Variants in ARHGAP10 observed in about 807,000 individuals in gnomAD.
ARHGAP10 encodes rho GTPase-activating protein 10.
A neutral mutation model predicts 108.6 loss-of-function variants in ARHGAP10; 87 were observed. The observed-to-expected ratio is 0.80, with a 90% confidence interval of 0.67 to 0.96. ARHGAP10 has a LOEUF of 0.96. Ranked by LOEUF, ARHGAP10 falls within the 40% of genes least tolerant of loss-of-function variation. The probability of loss-of-function intolerance (pLI) is 0.00; values close to 1 mark genes in which losing one functional copy is unlikely to be tolerated. For missense variants in ARHGAP10, 939 were observed against 954.5 expected, an observed-to-expected ratio of 0.98 and a Z score of 0.21; for synonymous variants, 347 against 341.1, an observed-to-expected ratio of 1.02 and a Z score of -0.19.
chr4:147,865,320 A>G (rs1202868473), intron 6 of ARHGAP10: 1 of 160,966 alleles, frequency 6.2e-6, no homozygotes, highest in Non-Finnish European at 1.4e-5. Flanking sequence ...AAACTTTGGT[A>G]CTTTAAACAA....
chr4:147,818,542 G>T (rs1732352006), intron 1 of ARHGAP10, among the ~76,000 whole-genome samples: 2 of 149,808 alleles, frequency 1.3e-5, no homozygotes, highest in South Asian at 4.3e-4. Context: ...TTCCAGCCTG[G>T]GTGACAAGAG....
chr4:147,868,890 C>T (rs1014650364), intron 7 of ARHGAP10, among the ~76,000 whole-genome samples: 1 of 152,068 alleles, frequency 6.6e-6, no homozygotes, highest in Non-Finnish European at 1.5e-5. Context: ...TGACCCGGTT[C>T]CTAACAGGCC....
intron 3 of ARHGAP10, among the ~76,000 whole-genome samples, chr4:147,842,692 G>A (rs1018900485): frequency 3.9e-5 from 6 of 152,122 alleles, no homozygotes; most frequent in Non-Finnish European, 7.3e-5. Context: ...TCTCCTTCAG[G>A]AAGTCTTCTC....
At chr4:148,064,341 G>C (rs770600395) in intron 21 of ARHGAP10, 75 bp from the exon 22 acceptor site, 2 of 1,324,690 alleles carry the variant, frequency 1.5e-6, no homozygotes, top group Non-Finnish European at 2.1e-6. Context: ...ATTTGGGGAA[G>C]GGGGGTTGGG....
At chr4:147,863,396 G>A (rs1307237383) in intron 5 of ARHGAP10, 2 of 152,284 alleles carry the variant, frequency 1.3e-5, no homozygotes, top group African/African-American at 4.8e-5. Context: ...ATGTCCTCAA[G>A]GTTTATCCAT....
intron 1 of ARHGAP10, among the ~76,000 whole-genome samples, chr4:147,796,421 T>G (rs1434557762): frequency 6.6e-6 from 1 of 152,170 alleles, no homozygotes; most frequent in Non-Finnish European, 1.5e-5. Context: ...AGGGCCCTCC[T>G]GGAAGAGACA....
intron 13 of ARHGAP10, among the ~76,000 whole-genome samples, chr4:147,922,970 C>G (rs906667582): frequency 6.6e-6 from 1 of 152,198 alleles, no homozygotes; most frequent in Non-Finnish European, 1.5e-5. Context: ...TGCCTCTTCT[C>G]ATTTCTAAAT....
chr4:148,020,248 T>C (rs1261240641), intron 18 of ARHGAP10, among the ~76,000 whole-genome samples: 2 of 152,216 alleles, frequency 1.3e-5, no homozygotes, highest in Non-Finnish European at 1.5e-5. Flanking sequence ...GAATTGATTA[T>C]ATATGTACAG....
chr4:147,894,691 T>G (rs184713817), intron 10 of ARHGAP10, among the ~76,000 whole-genome samples: 3 of 152,362 alleles, frequency 2.0e-5, no homozygotes, highest in Non-Finnish European at 2.9e-5. Flanking sequence ...TGAAGATTTT[T>G]GGGGTATATA....
At chr4:147,879,133 T>C (rs1338231841) in intron 8 of ARHGAP10, 99 bp from the exon 9 acceptor site, 1 of 882,278 alleles carries the variant, frequency 1.1e-6, no homozygotes, top group Non-Finnish European at 1.8e-6. Flanking sequence ...CTGTATTCGT[T>C]GCTGCGTTTT....
At chr4:147,866,631 G>A in intron 6 of ARHGAP10, 81 bp from the exon 7 acceptor site, 1 of 969,838 alleles carries the variant, frequency 1.0e-6, no homozygotes, top group Non-Finnish European at 1.6e-6. Flanking sequence ...AGATGGCGGG[G>A]GGAACACTTG....
At chr4:147,951,355 A>G (rs1402092691) in intron 15 of ARHGAP10, among the ~76,000 whole-genome samples, 1 of 145,004 alleles carries the variant, frequency 6.9e-6, no homozygotes, top group Non-Finnish European at 1.5e-5. Context: ...CTAAAGACTT[A>G]CTTCTGATTG....
chr4:148,001,718 TG>T (rs973679835), intron 18 of ARHGAP10, among the ~76,000 whole-genome samples: 3 of 152,100 alleles, frequency 2.0e-5, no homozygotes, highest in African/African-American at 7.3e-5. Context: ...TCTGTTTGTC[TG>T]TTATTGGTGT....
intron 8 of ARHGAP10, among the ~76,000 whole-genome samples, chr4:147,878,889 G>C (rs1182383894): frequency 6.8e-6 from 1 of 147,772 alleles, no homozygotes; most frequent in Non-Finnish European, 1.5e-5. Context: ...CCATTCTCCT[G>C]CCTCAGCCTC....
chr4:147,890,290 TACTTTGA>T (rs1345552592), intron 10 of ARHGAP10, among the ~76,000 whole-genome samples: 2 of 59,826 alleles, frequency 3.3e-5, no homozygotes, highest in East Asian at 7.9e-4. Flanking sequence ...TAGCCATTAC[TACTTTGA>T]TTATCAATGG....
intron 1 of ARHGAP10, among the ~76,000 whole-genome samples, chr4:147,812,110 T>TA (rs1732050134): frequency 6.6e-6 from 1 of 152,178 alleles, no homozygotes; most frequent in African/African-American, 2.4e-5. Context: ...ATAGCAGGCA[T>TA]GCCTTGGTCT....
chr4:147,759,902 C>G (rs1646411385), intron 1 of ARHGAP10, among the ~76,000 whole-genome samples: 2 of 152,124 alleles, frequency 1.3e-5, no homozygotes, highest in South Asian at 4.1e-4. Context: ...GAGCCTGCCA[C>G]CATGCCTGGC....
intron 5 of ARHGAP10, among the ~76,000 whole-genome samples, chr4:147,860,142 A>G (rs147340847): frequency 5.8e-4 from 89 of 152,356 alleles, no homozygotes; most frequent in Admixed American, 2.3e-3. Flanking sequence ...TCTTGCTTCA[A>G]TTGAAAATAA....
At chr4:147,736,745 A>G (rs997643250) in intron 1 of ARHGAP10, among the ~76,000 whole-genome samples, 2 of 152,186 alleles carry the variant, frequency 1.3e-5, no homozygotes, top group African/African-American at 4.8e-5. Flanking sequence ...ACCTGGGGGA[A>G]CTGTTAAAGC....
Sources: gnomAD v4.1 joint callset for allele counts (sites outside exome capture counted in the v4.1 genomes callset) on GRCh38, gnomAD v4.1.1 for gene constraint, MANE v1.5 for transcripts, NCBI Gene and HGNC (gene_info 2026-07-23, HGNC 2026-07-21) for gene names.